The following COL5A1 variants were observed in gnomAD, a reference collection of about 807,000 sequenced individuals.
COL5A1 encodes the protein collagen type V alpha 1 chain, also known as collagen alpha-1(V) chain.
Under a neutral mutation model 263.7 loss-of-function variants are expected in COL5A1, and 16 were observed. The observed-to-expected ratio is 0.06, with a 90% CI of 0.04 to 0.09. The LOEUF (loss-of-function observed/expected upper bound fraction) is 0.09. Ranked by LOEUF, COL5A1 falls within the 10% of genes least tolerant of loss-of-function variation. The pLI is 1.00. For synonymous variants in COL5A1, 1,012 were observed against 1,004.5 expected, an observed-to-expected ratio of 1.01 and a Z score of -0.14; for missense variants, 2,036 against 2,540.5, an observed-to-expected ratio of 0.80 and a Z score of 4.27.
rs1219336438 is a variant in COL5A1, at chr9:134,681,472, G to A, written c.110-9440G>A. Among the ~76,000 whole-genome samples, 3 of 152,244 alleles carry A rather than the reference G, an allele frequency of 2.0e-5. No individual in the cohort carries two copies. The highest frequency in any genetic ancestry group is 4.1e-4 in the South Asian group (2 of 4,836). ...CATGGAACACACATAGCAGGGATAT[G>A]GTTCCAGTGATGGGGCCACGGGTGG... On this transcript the variant is annotated intron_variant, in intron 1 of 65. Transcript: ENST00000371817. The surrounding 1 kb of genome is among the most constrained non-coding windows in gnomAD (Gnocchi z 4.3).
chr9:134,827,062 C>T (rs1408727478), intron 63 of COL5A1, among the ~76,000 whole-genome samples: 3 of 152,176 alleles, frequency 2.0e-5, no homozygotes, highest in Non-Finnish European at 2.9e-5. Flanking sequence ...TTCATGAGCT[C>T]GCAGTTGTCG....
chr9:134,753,320 CAG>C (rs1835856420), intron 14 of COL5A1, among the ~76,000 whole-genome samples: 2 of 152,194 alleles, frequency 1.3e-5, no homozygotes, highest in East Asian at 3.9e-4. Flanking sequence ...GTGTCAGGCA[CAG>C]GGGCTGGGTT....
rs13294921 is a variant in COL5A1 at position 134,829,716 on chromosome 9, T to C, written c.5068-260T>C. The stretch of plus-strand genomic sequence containing the variant: ...GGGGCCCGGCTCCTCACGTGGCCTC[T>C]AGTCTCCCTCAAGGCCCAGGCCAGG... On this transcript the variant is annotated intron_variant, in intron 63 of 65. Transcript: ENST00000371817. Among the ~76,000 whole-genome samples, 1,480 of 148,646 alleles carry C rather than the reference T, an allele frequency of 1.0e-2. 33 individuals carry two copies. The highest frequency in any genetic ancestry group is 0.035 in the African/African-American group (1,381 of 39,452).
chr9:134,707,182 G>A lies in COL5A1; in HGVS notation c.654+5849G>A, dbSNP rs184520214. Among the ~76,000 whole-genome samples the A allele has an allele frequency of 3.7e-3, 567 of 152,250 alleles. 1 individual carries two copies. Among genetic ancestry groups the A allele is most frequent in the Non-Finnish European group, 5.6e-3 (383 of 67,998 alleles). On this transcript the variant is annotated intron_variant, in intron 4 of 65. Coordinates refer to ENST00000371817, the MANE Select transcript of COL5A1 (RefSeq NM_000093.5). Reference sequence around the variant, plus strand: ...CCGTGGAGGGGATGAGAACTGCCCCGGGGGACAGCCGGCCAGCGAGTTCTG... The same window carrying A: ...CCGTGGAGGGGATGAGAACTGCCCCAGGGGACAGCCGGCCAGCGAGTTCTG...
intron 32 of COL5A1, among the ~76,000 whole-genome samples, chr9:134,790,945 G>A (rs1335569020): frequency 6.6e-6 from 1 of 152,152 alleles, no homozygotes; most frequent in East Asian, 1.9e-4. Flanking sequence ...TTTCCATGGA[G>A]GACTGTGTGG....
intron 1 of COL5A1, among the ~76,000 whole-genome samples, chr9:134,665,345 A>G (rs1438564579): frequency 2.6e-5 from 4 of 152,260 alleles, no homozygotes; most frequent in Admixed American, 6.5e-5. Flanking sequence ...GTGGGTTACC[A>G]TGCAGAACAA....
intron 43 of COL5A1, among the ~76,000 whole-genome samples, chr9:134,809,830 A>T (rs1838450743): frequency 6.6e-6 from 1 of 152,040 alleles, no homozygotes; most frequent in Non-Finnish European, 1.5e-5. Flanking sequence ...GACATTTCTG[A>T]CTTTGTCACC....
rs1024770210 is a variant in COL5A1 at position 134,731,528 on chromosome 9, C to T, written c.1197C>T (p.Asp399=). ...PAPPPGEGAD[D]LEGEFTEETI... is the part of the protein sequence containing the mutation. ...CGCCTCCAGGGGAAGGTGCGGATGA[C>T]TTGGAGGGGGAGTTCACTGAGGAAA... Residue 399 remains aspartate, a synonymous_variant, in exon 8 of 66, where the codon GAC becomes GAT. Coordinates refer to ENST00000371817, the MANE Select transcript of COL5A1 (RefSeq NM_000093.5). 6.2e-7 allele frequency: 1 copy of T among 1,614,252 alleles called. No individual in the cohort carries two copies. The highest frequency in any genetic ancestry group is 8.5e-7 in the Non-Finnish European group (1 of 1,180,038).
intron 1 of COL5A1, chr9:134,653,165 C>T (rs111794769): frequency 0.018 from 2,749 of 155,834 alleles, 85 homozygotes; most frequent in African/African-American, 0.061. Flanking sequence ...GTGCTGTTCC[C>T]CTGCACACCT....
At chr9:134,762,465 G>T (rs915474772) in intron 19 of COL5A1, among the ~76,000 whole-genome samples, 1 of 151,628 alleles carries the variant, frequency 6.6e-6, no homozygotes, top group Non-Finnish European at 1.5e-5. Flanking sequence ...TGGCCATGGG[G>T]CCAGAGCACA....
At chr9:134,683,058 C>A (rs1316653040) in intron 1 of COL5A1, among the ~76,000 whole-genome samples, 6 of 152,226 alleles carry the variant, frequency 3.9e-5, no homozygotes, top group African/African-American at 1.4e-4. Flanking sequence ...GGGGAGGCAC[C>A]CTCCCCTCTG....
chr9:134,798,926 A>G (rs1838013908), intron 37 of COL5A1, among the ~76,000 whole-genome samples: 1 of 152,204 alleles, frequency 6.6e-6, no homozygotes, highest in Non-Finnish European at 1.5e-5. Context: ...TCGATGCTGC[A>G]ATACTTCAAG....
intron 1 of COL5A1, among the ~76,000 whole-genome samples, chr9:134,658,872 T>G (rs1818509076): frequency 6.6e-6 from 1 of 152,134 alleles, no homozygotes; most frequent in Non-Finnish European, 1.5e-5. Flanking sequence ...TCAGTTAAGG[T>G]AGAAATTCAC....
At chr9:134,684,376 C>T (rs1048661837) in intron 1 of COL5A1, among the ~76,000 whole-genome samples, 2 of 152,232 alleles carry the variant, frequency 1.3e-5, no homozygotes. Context: ...GTGATGCTGC[C>T]CTGCCATGTC....
intron 52 of COL5A1, among the ~76,000 whole-genome samples, chr9:134,816,823 G>A (rs117950323): frequency 6.6e-6 from 1 of 152,214 alleles, no homozygotes; most frequent in African/African-American, 2.4e-5. Flanking sequence ...CAGAAAACCC[G>A]CAGGATGGGA....
chr9:134,750,089 C>T (rs1835718535), intron 11 of COL5A1, among the ~76,000 whole-genome samples: 1 of 152,210 alleles, frequency 6.6e-6, no homozygotes, highest in South Asian at 2.1e-4. Context: ...AGGCGGCTCG[C>T]TCGGAGCCCA....
At chr9:134,655,084 G>T (rs1284955556) in intron 1 of COL5A1, among the ~76,000 whole-genome samples, 1 of 133,838 alleles carries the variant, frequency 7.5e-6, no homozygotes, top group Non-Finnish European at 1.6e-5. Flanking sequence ...AGGGCTAGGG[G>T]TGTGTAGGGC....
At chr9:134,703,532 T>C (rs1833738746) in intron 4 of COL5A1, among the ~76,000 whole-genome samples, 1 of 151,848 alleles carries the variant, frequency 6.6e-6, no homozygotes, top group Non-Finnish European at 1.5e-5. Flanking sequence ...GTTCTGGGCT[T>C]GGCCTGGGCA....
rs1834254910 is a variant in COL5A1 at position 134,716,172 on chromosome 9, C to T, written c.655-11094C>T. On this transcript the variant is annotated intron_variant, in intron 4 of 65. Transcript: ENST00000371817. This position sits in a 1 kb window ranked among gnomAD's most constrained non-coding sequence, Gnocchi z 4.5. The stretch of plus-strand genomic sequence containing the variant: ...TCTGGGGAGTGTTCTGGTGCAATCC[C>T]ATTTAGTCCTCTGCTCTATGAGGTA... 6.6e-6 allele frequency among the ~76,000 whole-genome samples: 1 copy of T among 152,100 alleles called. No individual in the cohort carries two copies. The highest frequency in any genetic ancestry group is 2.4e-5 in the African/African-American group (1 of 41,402).
Sources: allele counts gnomAD v4.1 joint callset (sites outside exome capture counted in the v4.1 genomes callset), GRCh38; gene constraint gnomAD v4.1.1; non-coding constraint Gnocchi (gnomAD v3.1); transcripts MANE v1.5; gene names NCBI Gene and HGNC (gene_info 2026-07-23, HGNC 2026-07-21).